Variants in EXOC4 observed in about 807,000 individuals in gnomAD.
EXOC4 encodes exocyst complex component 4.
Under a neutral mutation model 107.2 loss-of-function variants are expected in EXOC4, and 71 were observed. The ratio of observed to expected loss-of-function variants is 0.66; its 90% confidence interval spans 0.55 to 0.81. The LOEUF is 0.81. EXOC4 is among the 30% of genes least tolerant of loss of function. EXOC4 has a pLI of 0.00. For missense variants in EXOC4, 1,108 were observed against 1,189.6 expected (o/e 0.93, Z 1.01); for synonymous variants, 456 against 441.2 (o/e 1.03, Z -0.42).
At chr7:133,343,653 G>A (rs753475534) in intron 5 of EXOC4, among the ~76,000 whole-genome samples, 17 of 149,744 alleles carry the variant, frequency 1.1e-4, no homozygotes, top group Non-Finnish European at 2.2e-4. Flanking sequence ...TTTTTTGTCC[G>A]TGTCTTTTCT....
At chr7:133,696,804 C>G in intron 10 of EXOC4, among the ~76,000 whole-genome samples, 1 of 152,236 alleles carries the variant, frequency 6.6e-6, no homozygotes, top group East Asian at 1.9e-4. Flanking sequence ...ACATCAGCCT[C>G]TCCCTTACTA....
At chr7:133,271,189 A>G (rs1793861893) in intron 1 of EXOC4, among the ~76,000 whole-genome samples, 1 of 152,102 alleles carries the variant, frequency 6.6e-6, no homozygotes, top group South Asian at 2.1e-4. Flanking sequence ...AAATGCTGGG[A>G]TTACAGGTAT....
chr7:133,273,880 A>G (rs1793929889), intron 1 of EXOC4, among the ~76,000 whole-genome samples: 1 of 152,204 alleles, frequency 6.6e-6, no homozygotes. Flanking sequence ...TAAATTAAAA[A>G]AGATAAATGA....
intron 11 of EXOC4, among the ~76,000 whole-genome samples, chr7:133,884,715 A>T (rs2116465615): frequency 6.6e-6 from 1 of 152,026 alleles, no homozygotes. Flanking sequence ...AGCATCTCTG[A>T]ACTGTCCTCT....
At chr7:133,429,222 TG>T (rs1277190313) in intron 7 of EXOC4, among the ~76,000 whole-genome samples, 7 of 152,108 alleles carry the variant, frequency 4.6e-5, no homozygotes, top group South Asian at 2.1e-4. Context: ...AATTTTTTTT[TG>T]AATCAATCTT....
At chr7:133,628,980 G>C (rs1802521721) in intron 9 of EXOC4, among the ~76,000 whole-genome samples, 1 of 152,166 alleles carries the variant, frequency 6.6e-6, no homozygotes, top group African/African-American at 2.4e-5. Context: ...ACAATGTTTA[G>C]AAAACAAGGA....
At chr7:133,771,498 C>T (rs894417762) in intron 10 of EXOC4, 2 of 151,932 alleles carry the variant, frequency 1.3e-5, no homozygotes, top group African/African-American at 2.4e-5. Flanking sequence ...AGATAGCTCT[C>T]TAATAACCAT....
the EXOC4 span, among the ~76,000 whole-genome samples, chr7:134,092,418 T>C: frequency 6.6e-6 from 1 of 152,138 alleles, no homozygotes; most frequent in East Asian, 1.9e-4. Context: ...ACTGGACTTA[T>C]TATACAGATA....
intron 9 of EXOC4, among the ~76,000 whole-genome samples, chr7:133,625,861 G>A (rs985757187): frequency 6.6e-6 from 1 of 152,044 alleles, no homozygotes; most frequent in East Asian, 1.9e-4. Flanking sequence ...TGAAGGGAAG[G>A]AGTGCTCTGA....
At chr7:133,652,439 T>TA (rs11394130) in intron 10 of EXOC4, among the ~76,000 whole-genome samples, 2 of 75,956 alleles carry the variant, frequency 2.6e-5, no homozygotes, top group East Asian at 1.6e-3. Flanking sequence ...CACAGCAATA[T>TA]TTTTTTTTTT....
intron 10 of EXOC4, among the ~76,000 whole-genome samples, chr7:133,807,941 TA>T (rs1797117174): frequency 6.6e-6 from 1 of 152,252 alleles, no homozygotes; most frequent in Non-Finnish European, 1.5e-5. Context: ...TTTTTTAAGT[TA>T]AATTTGTTTA....
intron 9 of EXOC4, among the ~76,000 whole-genome samples, chr7:133,490,097 C>T (rs1340500860): frequency 6.6e-6 from 1 of 152,132 alleles, no homozygotes; most frequent in Non-Finnish European, 1.5e-5. Context: ...CTAGACCATG[C>T]AGGTGAGGCA....
chr7:134,030,346 G>A (rs760340426), intron 17 of EXOC4, among the ~76,000 whole-genome samples: 17 of 152,330 alleles, frequency 1.1e-4, no homozygotes, highest in Non-Finnish European at 1.8e-4. Flanking sequence ...CATCAATGAT[G>A]AGTGGATAAA....
At chr7:133,833,349 T>C (rs1378354960) in intron 11 of EXOC4, among the ~76,000 whole-genome samples, 2 of 152,214 alleles carry the variant, frequency 1.3e-5, no homozygotes, top group Non-Finnish European at 2.9e-5. Context: ...CATTTAGAGA[T>C]AGCAACAAGT....
intron 10 of EXOC4, among the ~76,000 whole-genome samples, chr7:133,685,836 T>C (rs143261822): frequency 3.8e-3 from 572 of 152,258 alleles, no homozygotes; most frequent in African/African-American, 0.013. Flanking sequence ...ATCACCCAAA[T>C]AATGTACATC....
At chr7:133,425,529 C>T (rs919583837) in intron 7 of EXOC4, among the ~76,000 whole-genome samples, 1 of 152,108 alleles carries the variant, frequency 6.6e-6, no homozygotes, top group Non-Finnish European at 1.5e-5. Flanking sequence ...TCAGGCAATC[C>T]ACCCGCCTCA....
intron 10 of EXOC4, among the ~76,000 whole-genome samples, chr7:133,749,890 C>T (rs1056847563): frequency 1.3e-4 from 20 of 150,172 alleles, no homozygotes; most frequent in Admixed American, 5.3e-4. Context: ...CAGTAGAAGA[C>T]GAACCCTAAC....
At chr7:134,061,209 A>G (rs537072675) in intron 17 of EXOC4, among the ~76,000 whole-genome samples, 1 of 152,356 alleles carries the variant, frequency 6.6e-6, no homozygotes, top group East Asian at 1.9e-4. Context: ...TTCAAAAGAA[A>G]TCCAATTTCA....
At chr7:133,805,474 C>T (rs1041226827) in intron 10 of EXOC4, among the ~76,000 whole-genome samples, 3 of 152,174 alleles carry the variant, frequency 2.0e-5, no homozygotes, top group African/African-American at 7.2e-5. Flanking sequence ...ACAATGTCTA[C>T]ATGAAAAAGA....
Sources: gnomAD v4.1 joint callset for allele counts (sites outside exome capture counted in the v4.1 genomes callset) on GRCh38, gnomAD v4.1.1 for gene constraint, MANE v1.5 for transcripts, NCBI Gene and HGNC (gene_info 2026-07-23, HGNC 2026-07-21) for gene names.